GDAP1: variants seen among roughly 807,000 people sequenced by gnomAD.
The protein encoded by GDAP1 is ganglioside induced differentiation associated protein 1.
A neutral mutation model predicts 40.1 loss-of-function variants in GDAP1; 34 were observed. The observed-to-expected ratio is 0.85, with a 90% CI of 0.64 to 1.13. The LOEUF is 1.13. GDAP1 is among the 50% of genes most tolerant of loss of function. The pLI is 0.00. For missense variants in GDAP1, 374 were observed against 433.7 expected (o/e 0.86, Z 1.22); for synonymous variants, 170 against 157.4 (o/e 1.08, Z -0.60).
chr8:74,475,722 A>G (rs1394227950), intron 2 of GDAP1, among the ~76,000 whole-genome samples: 3 of 152,092 alleles, frequency 2.0e-5, no homozygotes, highest in Non-Finnish European at 4.4e-5. Flanking sequence ...TGATTTTGGT[A>G]TGTACCATGT....
rs1208737946 is a variant in GDAP1 at position 74,415,314 on chromosome 8, A to T, written c.165+63993A>T. Among the ~76,000 whole-genome samples, 2 of 150,312 alleles carry T rather than the reference A, an allele frequency of 1.3e-5. 1 individual carries two copies. Among genetic ancestry groups the T allele is most frequent in the African/African-American group, 5.1e-5 (2 of 39,576 alleles). On this transcript the variant is annotated intron_variant, in intron 2 of 2. Transcript: ENST00000523640. ...AGAAATTTTAACATCATTTTAAAAC[A>T]ATTTATTTCAAAATAATAGAAGAAA...
chr8:74,366,823 A>G lies in GDAP1; in HGVS notation c.*2456A>G, dbSNP rs1809659819. Reference sequence around the variant, plus strand: ...AATGCAGTAGAGAGACCAAGACACTATTCTGTAAGATCAATAAAAGTAATT... The same window carrying G: ...AATGCAGTAGAGAGACCAAGACACTGTTCTGTAAGATCAATAAAAGTAATT... On this transcript the variant is annotated 3_prime_UTR_variant, in exon 6 of 6. Transcript: ENST00000220822. The G allele has an allele frequency of 4.4e-6, 2 of 450,526 alleles. No individual in the cohort carries two copies. The highest frequency in any genetic ancestry group is 1.6e-5 in the South Asian group (1 of 63,200). The allele number at this position is 450,526 out of a possible 1,614,324, so 27.9% of individuals were successfully genotyped here. A position where few individuals can be genotyped will look rare whatever the true frequency, so the allele number is the denominator to read the frequency against.
chr8:74,476,566 C>G (rs1400469740), intron 2 of GDAP1, among the ~76,000 whole-genome samples: 4 of 152,150 alleles, frequency 2.6e-5, no homozygotes, highest in Admixed American at 6.6e-5. Context: ...GATATGAAAG[C>G]TGTGGTTGGA....
chr8:74,412,766 T>C (rs1447565055), intron 2 of GDAP1, among the ~76,000 whole-genome samples: 1 of 149,584 alleles, frequency 6.7e-6, no homozygotes, highest in East Asian at 1.9e-4. Flanking sequence ...TTTAAAGATT[T>C]CTGAAGCCTC....
At chr8:74,468,475 CCATACACACA>C (rs1563477609) in intron 2 of GDAP1, among the ~76,000 whole-genome samples, 1 of 91,624 alleles carries the variant, frequency 1.1e-5, no homozygotes, top group Non-Finnish European at 2.2e-5. Flanking sequence ...GTAAATGACC[CCATACACACA>C]CACACACACA....
At chr8:74,464,405 T>A (rs1226460775) in intron 2 of GDAP1, among the ~76,000 whole-genome samples, 3 of 152,114 alleles carry the variant, frequency 2.0e-5, no homozygotes, top group Admixed American at 6.5e-5. Context: ...AGTGGTTTGC[T>A]TGGTTTTCTG....
intron 2 of GDAP1, among the ~76,000 whole-genome samples, chr8:74,400,809 T>A (rs1053999936): frequency 6.7e-6 from 1 of 149,308 alleles, no homozygotes; most frequent in African/African-American, 2.6e-5. Context: ...CCTTCACTTA[T>A]GAAGCTTAGT....
chr8:74,430,506 TGTAGA>T (rs1240839587), intron 2 of GDAP1, among the ~76,000 whole-genome samples: 3 of 152,116 alleles, frequency 2.0e-5, no homozygotes, highest in African/African-American at 7.2e-5. Context: ...AATAAAGCAA[TGTAGA>T]GTAAAGTGTA....
intron 2 of GDAP1, among the ~76,000 whole-genome samples, chr8:74,402,388 G>T (rs774093529): frequency 6.6e-6 from 1 of 150,424 alleles, no homozygotes; most frequent in African/African-American, 2.5e-5. Context: ...CTGGTGCACC[G>T]TTTTTTAAGC....
chr8:74,420,150 C>T (rs1451910563), intron 2 of GDAP1, among the ~76,000 whole-genome samples: 1 of 152,094 alleles, frequency 6.6e-6, no homozygotes, highest in Non-Finnish European at 1.5e-5. Context: ...CCATGCAATT[C>T]CATATAAATT....
At chr8:74,378,561 G>A (rs1809898383) in intron 2 of GDAP1, among the ~76,000 whole-genome samples, 1 of 152,144 alleles carries the variant, frequency 6.6e-6, no homozygotes, top group Non-Finnish European at 1.5e-5. Flanking sequence ...GATTGACCAG[G>A]GTTGACAGTA....
At chr8:74,354,888 A>C (rs564591065) in intron 2 of GDAP1, among the ~76,000 whole-genome samples, 1 of 152,222 alleles carries the variant, frequency 6.6e-6, no homozygotes, top group East Asian at 1.9e-4. Flanking sequence ...TGGTCATGAC[A>C]GGAGACTGTA....
chr8:74,447,039 A>G (rs1806238075), intron 2 of GDAP1, among the ~76,000 whole-genome samples: 1 of 152,160 alleles, frequency 6.6e-6, no homozygotes, highest in African/African-American at 2.4e-5. Flanking sequence ...ATTTAATCAA[A>G]TATAATCTTT....
chr8:74,487,111 A>G (rs942584450), intron 2 of GDAP1, among the ~76,000 whole-genome samples: 1 of 152,196 alleles, frequency 6.6e-6, no homozygotes, highest in Non-Finnish European at 1.5e-5. Context: ...AGACCATGGC[A>G]CAGTGCCTGG....
chr8:74,435,553 T>G (rs1224749458), intron 2 of GDAP1, among the ~76,000 whole-genome samples: 1 of 152,208 alleles, frequency 6.6e-6, no homozygotes, highest in African/African-American at 2.4e-5. Context: ...GAAACACACC[T>G]GAATTTTAAA....
chr8:74,364,429 G>A lies in GDAP1; in HGVS notation c.*62G>A, dbSNP rs748096043. The A allele has an allele frequency of 1.4e-5, 21 of 1,515,618 alleles. No individual in the cohort carries two copies. The East Asian group carries it at 3.2e-4, about 23-fold the overall frequency. 93.9% of individuals were successfully genotyped at this position (1,515,618 alleles called of 1,614,324 possible). A position where few individuals can be genotyped will look rare whatever the true frequency, so the allele number is the denominator to read the frequency against. On this transcript the variant is annotated 3_prime_UTR_variant, in exon 6 of 6. Coordinates refer to ENST00000220822, the MANE Select transcript of GDAP1 (RefSeq NM_018972.4). ...ATTTAGCTAGACCCTGTGATTGCCC[G>A]TGGCTCTCTGAGTCTGTCTTATTGA...
rs1406848415 is a variant in GDAP1 at position 74,365,331 on chromosome 8, A to G, written c.*964A>G. 4.4e-6 allele frequency: 2 copies of G among 454,012 alleles called. No individual in the cohort carries two copies. The highest frequency in any genetic ancestry group is 8.8e-6 in the Non-Finnish European group (2 of 226,808). 28.1% of individuals were successfully genotyped at this position (454,012 alleles called of 1,614,324 possible). A position where few individuals can be genotyped will look rare whatever the true frequency, so the allele number is the denominator to read the frequency against. On this transcript the variant is annotated 3_prime_UTR_variant, in exon 6 of 6. Transcript: ENST00000220822. ...GAAAGGTCTAGTCTTAGCACTTGGCAGTTAATCTAGGGAAGATGAATTAAA... is the reference window on the plus strand; with the variant it reads ...GAAAGGTCTAGTCTTAGCACTTGGCGGTTAATCTAGGGAAGATGAATTAAA...
Sources: allele counts gnomAD v4.1 joint callset (sites outside exome capture counted in the v4.1 genomes callset), GRCh38; gene constraint gnomAD v4.1.1; transcripts MANE v1.5; gene names NCBI Gene and HGNC (gene_info 2026-07-23, HGNC 2026-07-21).